Variants in PIGN observed in about 807,000 individuals in gnomAD.
The protein encoded by PIGN is GPI ethanolamine phosphate transferase 1.
A neutral mutation model predicts 125.4 loss-of-function variants in PIGN; 117 were observed. The observed-to-expected ratio is 0.93, with a 90% CI of 0.80 to 1.09. The LOEUF is 1.09. PIGN is among the 50% of genes least tolerant of loss of function. PIGN has a pLI of 0.00. For missense variants in PIGN, 1,075 were observed against 1,094.9 expected (o/e 0.98, Z 0.26); for synonymous variants, 392 against 377.8 (o/e 1.04, Z -0.44).
At chr18:62,029,207 C>T (rs2030162379) in intron 23 of PIGN, among the ~76,000 whole-genome samples, 1 of 152,214 alleles carries the variant, frequency 6.6e-6, no homozygotes, top group Admixed American at 6.5e-5. Context: ...CTTTTGATAA[C>T]TTTAAACCAC....
intron 14 of PIGN, among the ~76,000 whole-genome samples, chr18:62,119,176 C>A (rs1308993105): frequency 1.3e-5 from 2 of 151,924 alleles, no homozygotes; most frequent in Non-Finnish European, 2.9e-5. Flanking sequence ...CATCAGAGGA[C>A]AAGGCAAAAC....
chr18:62,072,787 A>G, intron 29 of PIGN, 62 bp from the exon 30 acceptor site: 1 of 1,278,580 alleles, frequency 7.8e-7, no homozygotes, highest in East Asian at 2.5e-5. Flanking sequence ...CTAAAAACAA[A>G]GCTATTTTAG....
chr18:62,048,299 GAA>G (rs1363576808), intron 30 of PIGN, among the ~76,000 whole-genome samples: 2 of 152,172 alleles, frequency 1.3e-5, no homozygotes, highest in Non-Finnish European at 2.9e-5. Flanking sequence ...AATAGTGGCT[GAA>G]AAGTTTCCAA....
intron 16 of PIGN, among the ~76,000 whole-genome samples, chr18:62,110,954 T>A (rs942526588): frequency 6.6e-6 from 1 of 150,436 alleles, no homozygotes; most frequent in Admixed American, 6.6e-5. Flanking sequence ...CCTCACTAAA[T>A]AAAGTGTAAA....
At chr18:62,149,357 T>C (rs2036449577) in intron 7 of PIGN, among the ~76,000 whole-genome samples, 1 of 152,072 alleles carries the variant, frequency 6.6e-6, no homozygotes, top group Non-Finnish European at 1.5e-5. Flanking sequence ...CCTAAGAAAA[T>C]TTAAATCTAG....
intron 23 of PIGN, among the ~76,000 whole-genome samples, chr18:62,033,919 G>T (rs934805693): frequency 6.6e-6 from 1 of 152,182 alleles, no homozygotes; most frequent in African/African-American, 2.4e-5. Flanking sequence ...TCATGGGGCA[G>T]GCAGTATTAT....
At chr18:62,106,392 A>G (rs1198353683) in intron 19 of PIGN, among the ~76,000 whole-genome samples, 1 of 151,284 alleles carries the variant, frequency 6.6e-6, no homozygotes, top group Non-Finnish European at 1.5e-5. Flanking sequence ...AAAAAAAAAA[A>G]CTGAGTGGCT....
chr18:62,073,954 T>C (rs968947258), intron 29 of PIGN, among the ~76,000 whole-genome samples: 53 of 152,224 alleles, frequency 3.5e-4, no homozygotes, highest in African/African-American at 1.3e-3. Context: ...TTGGGCCATA[T>C]TACCAGCTGT....
intron 6 of PIGN, 76 bp from the exon 7 acceptor site, chr18:62,154,727 A>T: frequency 1.3e-6 from 1 of 743,694 alleles, no homozygotes; most frequent in Non-Finnish European, 2.3e-6. Context: ...CTAGTCATTC[A>T]CAGATTTTTG....
intron 17 of PIGN, among the ~76,000 whole-genome samples, chr18:62,107,759 T>C (rs931649724): frequency 5.3e-5 from 8 of 151,914 alleles, no homozygotes; most frequent in Non-Finnish European, 1.0e-4. Context: ...AACTGAAAAA[T>C]TTTTTAAAAT....
chr18:62,073,170 G>GGTGT (rs34182707), intron 29 of PIGN, among the ~76,000 whole-genome samples: 35,574 of 145,198 alleles, frequency 0.25, 4,346 homozygotes, highest in Non-Finnish European at 0.26. Flanking sequence ...AATTATCAGG[G>GGTGT]GTGTGTGTGT....
chr18:62,060,493 A>C (rs1347014898), intron 30 of PIGN, among the ~76,000 whole-genome samples: 1 of 152,168 alleles, frequency 6.6e-6, no homozygotes, highest in Non-Finnish European at 1.5e-5. Context: ...GGTTTTAATA[A>C]AGTTTGGTAT....
chr18:62,151,871 C>T (rs1200666708), intron 7 of PIGN, among the ~76,000 whole-genome samples: 1 of 152,176 alleles, frequency 6.6e-6, no homozygotes, highest in Admixed American at 6.5e-5. Flanking sequence ...AACATCATAG[C>T]TTAGCCTGGC....
At chr18:62,174,906 C>G (rs947826616) in intron 1 of PIGN, among the ~76,000 whole-genome samples, 1 of 145,994 alleles carries the variant, frequency 6.8e-6, no homozygotes, top group African/African-American at 2.5e-5. Context: ...TCAATCCCCT[C>G]CCCCTCAAAA....
rs780656628 is a variant in PIGN at position 62,074,791 on chromosome 18, G to T, written c.2607C>A (p.Asp869Glu). Residue 869 changes from aspartate to glutamate, a missense_variant, in exon 29 of 31, where the codon GAC becomes GAA. Coordinates refer to ENST00000640252, the MANE Select transcript of PIGN (RefSeq NM_176787.5). ...SLFLIVLVISDIMALHFFFLV... is the reference protein window; with the variant it reads ...SLFLIVLVISEIMALHFFFLV... ...AGTAATGCCTTACCAAAGCCATAAT[G>T]TCTGATATGACGAGAACAATGAGAA... 2 of 1,605,012 alleles carry T rather than the reference G, an allele frequency of 1.2e-6. No homozygotes were observed. Among genetic ancestry groups the T allele is most frequent in the Non-Finnish European group, 1.7e-6 (2 of 1,172,878 alleles).
At chr18:62,073,609 A>G (rs988540715) in intron 29 of PIGN, among the ~76,000 whole-genome samples, 1 of 152,220 alleles carries the variant, frequency 6.6e-6, no homozygotes, top group Non-Finnish European at 1.5e-5. Flanking sequence ...TTTGCACAAA[A>G]CTGAAAGCTG....
At chr18:62,125,198 A>G (rs552788827) in intron 14 of PIGN, among the ~76,000 whole-genome samples, 1 of 150,900 alleles carries the variant, frequency 6.6e-6, no homozygotes, top group African/African-American at 2.4e-5. Flanking sequence ...GTTTGTACAT[A>G]TGTGTATATA....
At chr18:62,121,258 AGTT>A (rs1421679250) in intron 14 of PIGN, among the ~76,000 whole-genome samples, 1 of 152,186 alleles carries the variant, frequency 6.6e-6, no homozygotes, top group Non-Finnish European at 1.5e-5. Context: ...TCTTAGGAAA[AGTT>A]GTTCTAGTAA....
chr18:62,162,510 A>T (rs1277420374), intron 2 of PIGN, 181 bp from the exon 3 acceptor site: 1 of 152,188 alleles, frequency 6.6e-6, no homozygotes, highest in Non-Finnish European at 1.5e-5. Flanking sequence ...ATGGCAAAAT[A>T]ACCTTGCAAA....
Sources: allele counts gnomAD v4.1 joint callset (sites outside exome capture counted in the v4.1 genomes callset), GRCh38; gene constraint gnomAD v4.1.1; transcripts MANE v1.5; gene names NCBI Gene and HGNC (gene_info 2026-07-23, HGNC 2026-07-21).